Variants in KRT79 observed in about 807,000 individuals in gnomAD.
KRT79 encodes keratin, type II cytoskeletal 79.
A neutral mutation model predicts 49.0 loss-of-function variants in KRT79; 51 were observed. The ratio of observed to expected loss-of-function variants is 1.04; its 90% CI spans 0.83 to 1.31. KRT79 has a LOEUF of 1.31. KRT79 is among the 40% of genes most tolerant of loss of function. The probability of loss-of-function intolerance (pLI) is 0.00; values close to 1 mark genes in which losing one functional copy is unlikely to be tolerated. For synonymous variants in KRT79, 312 were observed against 286.6 expected (o/e 1.09, Z -0.90); for missense variants, 728 against 688.0 (o/e 1.06, Z -0.65).
intron 4 of KRT79, among the ~76,000 whole-genome samples, chr12:52,825,043 G>A (rs945480622): frequency 6.6e-6 from 1 of 152,204 alleles, no homozygotes; most frequent in African/African-American, 2.4e-5. Flanking sequence ...TAGGCTTCAG[G>A]ATGCTGTGAA....
Position 52,824,371 on chromosome 12 carries a change from T to C in KRT79, c.856-9A>G. 3 of 1,612,594 alleles carry C rather than the reference T, an allele frequency of 1.9e-6. No homozygotes were observed. The highest frequency in any genetic ancestry group is 1.7e-6 in the Non-Finnish European group (2 of 1,178,974). On this transcript the variant is annotated splice_polypyrimidine_tract_variant and intron_variant, in intron 4 of 8. Coordinates refer to ENST00000330553, the MANE Select transcript of KRT79 (RefSeq NM_175834.3). ...TGCACTTGGCTCAGCTCCTGAAGAA[T>C]CAGAGACAGCTGCCACCAGCACCCC...
At position 52,834,001 on chromosome 12, in the gene KRT79, C is replaced by A; in HGVS notation, c.260G>T (p.Gly87Val). The A allele has an allele frequency of 1.9e-6, 3 of 1,611,622 alleles. No homozygotes were observed. The highest frequency in any genetic ancestry group is 1.7e-6 in the Non-Finnish European group (2 of 1,178,698). Residue 87 changes from glycine (G) to valine (V), a missense_variant, in exon 1 of 9, where the codon GGC (glycine) becomes GTC (valine). Physicochemically the swap from Gly to Val is moderately radical, Grantham distance 109. Transcript: ENST00000330553. ...GGALLGRALG[G>V]FGFGSRAFMG... The stretch of plus-strand genomic sequence containing the variant: ...AAATGCCCTGCTGCCAAAGCCAAAG[C>A]CCCCCAGAGCCCGCCCCAACAAGGC...
intron 4 of KRT79, among the ~76,000 whole-genome samples, chr12:52,826,057 A>G (rs1940170786): frequency 6.6e-6 from 1 of 152,040 alleles, no homozygotes; most frequent in African/African-American, 2.4e-5. Flanking sequence ...TTCCCCACCG[A>G]GATGAACTGT....
intron 4 of KRT79, among the ~76,000 whole-genome samples, chr12:52,826,579 G>A (rs916425574): frequency 2.6e-5 from 4 of 151,880 alleles, no homozygotes; most frequent in Admixed American, 1.3e-4. Flanking sequence ...AGCAGAAAGA[G>A]CTCTGTGAAT....
intron 1 of KRT79, among the ~76,000 whole-genome samples, chr12:52,832,384 C>G (rs1038232071): frequency 6.6e-6 from 1 of 151,994 alleles, no homozygotes; most frequent in Non-Finnish European, 1.5e-5. Flanking sequence ...CCAAAAAAAA[C>G]TTTTTTTAAA....
chr12:52,829,565 A>G (rs1592318335), intron 4 of KRT79, among the ~76,000 whole-genome samples: 1 of 152,328 alleles, frequency 6.6e-6, no homozygotes, highest in East Asian at 1.9e-4. Flanking sequence ...TGCCTGGCCC[A>G]TCAAAAGCAC....
chr12:52,831,697 T>G (rs754600965), intron 1 of KRT79, 71 bp from the exon 2 acceptor site: 30 of 1,266,234 alleles, frequency 2.4e-5, no homozygotes, highest in Non-Finnish European at 3.2e-5. Flanking sequence ...TGGGGTCCAT[T>G]GCCACCTCCC....
intron 7 of KRT79, 121 bp downstream of exon 7, chr12:52,822,895 T>C: frequency 1.1e-6 from 1 of 932,180 alleles, no homozygotes. Context: ...TCCCCCCGCG[T>C]GAGTCAGGAT....
chr12:52,825,619 A>T (rs1448208116), intron 4 of KRT79, among the ~76,000 whole-genome samples: 2 of 152,218 alleles, frequency 1.3e-5, no homozygotes, highest in Admixed American at 1.3e-4. Flanking sequence ...AAAGAGAAAT[A>T]CCAAAGGCAA....
At chr12:52,826,602 T>C (rs1940179549) in intron 4 of KRT79, among the ~76,000 whole-genome samples, 1 of 151,230 alleles carries the variant, frequency 6.6e-6, no homozygotes, top group Admixed American at 6.6e-5. Flanking sequence ...CTAAGGTGTG[T>C]GTCTCCTTAG....
chr12:52,821,932 A>G lies in KRT79; in HGVS notation c.1548T>C (p.Ser516=). 6.2e-7 allele frequency: 1 copy of G among 1,614,152 alleles called. No individual in the cohort carries two copies. The highest frequency in any genetic ancestry group is 8.5e-7 in the Non-Finnish European group (1 of 1,180,018). Residue 516 remains serine, a synonymous_variant, in exon 9 of 9, where the codon TCT becomes TCC. Transcript: ENST00000330553. ...TCTTCCGCAGGATGGAGGTGCCCGC[A>G]GAGACTGGCCCTCCCTTGACGGTGC... The part of the protein sequence containing the change: ...GYSTVKGGPV[S]AGTSILRKTT...
intron 2 of KRT79, chr12:52,830,569 G>A (rs1940239052): frequency 4.6e-6 from 2 of 431,324 alleles, no homozygotes; most frequent in African/African-American, 4.0e-5. Flanking sequence ...CCCTTAGGAG[G>A]CTTTAGAGGG....
chr12:52,834,050 T>C lies in KRT79; in HGVS notation c.211A>G (p.Ile71Val). 1 of 1,613,334 alleles carries C rather than the reference T, an allele frequency of 6.2e-7. No homozygotes were observed. Among genetic ancestry groups the C allele is most frequent in the South Asian group, 1.1e-5 (1 of 91,042 alleles). The change falls in exon 1 of 9, where the codon ATC (isoleucine) becomes GTC (valine). Residue 71 changes from isoleucine (I) to valine (V), a missense_variant. By Grantham distance (29) the Ile-to-Val change is conservative (BLOSUM62 3). Transcript: ENST00000330553. ...SLYNLGGHKS[I>V]SVSVAGGALL... ...GCCCCTCCGGCCACACTGACAGAGATACTCTTGTGGCCCCCCAAGTTATAG... is the reference window on the plus strand; with the variant it reads ...GCCCCTCCGGCCACACTGACAGAGACACTCTTGTGGCCCCCCAAGTTATAG...
At chr12:52,829,394 C>A (rs566386153) in intron 4 of KRT79, among the ~76,000 whole-genome samples, 208 of 152,306 alleles carry the variant, frequency 1.4e-3, no homozygotes, top group African/African-American at 4.8e-3. Context: ...AAGAGTCAGA[C>A]TTCGGAGTTC....
At position 52,823,241 on chromosome 12, in the gene KRT79, C is replaced by T; in HGVS notation, c.1147-5G>A. On this transcript the variant is annotated splice_region_variant and splice_polypyrimidine_tract_variant and intron_variant, in intron 6 of 8. Coordinates refer to ENST00000330553, the MANE Select transcript of KRT79 (RefSeq NM_175834.3). The stretch of plus-strand genomic sequence containing the variant: ...GGCCGTCTGCAGCTGCTGACACTGC[C>T]CAGGGGAGAAAGGTGTTGGAAGCAC... 6.2e-7 allele frequency: 1 copy of T among 1,613,454 alleles called. No homozygotes were observed. The highest frequency in any genetic ancestry group is 8.5e-7 in the Non-Finnish European group (1 of 1,179,514).
At chr12:52,826,031 C>G (rs1024159799) in intron 4 of KRT79, among the ~76,000 whole-genome samples, 19 of 152,012 alleles carry the variant, frequency 1.2e-4, no homozygotes, top group African/African-American at 4.4e-4. Flanking sequence ...TGTGTTGTCA[C>G]AGCTGCTTTG....
In KRT79 at chr12:52,830,252, C is replaced by G; in HGVS notation, c.739G>C (p.Glu247Gln). The change falls in exon 3 of 9, where the codon GAG (glutamate) becomes CAG (glutamine). Residue 247 changes from glutamate to glutamine, a missense_variant. Physicochemically the swap from Glu to Gln is conservative, Grantham distance 29. Transcript: ENST00000330553. Reference protein sequence around the residue: ...EINKHTAAENEFVVLKKDVDA... With the variant: ...EINKHTAAENQFVVLKKDVDA... Reference sequence around the variant, plus strand: ...CTCACCTTCTTGAGCACCACAAACTCGTTCTCTGCAGCAGTGTGCTTGTTG... The same window carrying G: ...CTCACCTTCTTGAGCACCACAAACTGGTTCTCTGCAGCAGTGTGCTTGTTG... 1.2e-6 allele frequency: 2 copies of G among 1,614,216 alleles called. No individual in the cohort carries two copies. Among genetic ancestry groups the G allele is most frequent in the Non-Finnish European group, 1.7e-6 (2 of 1,180,044 alleles).
intron 2 of KRT79, among the ~76,000 whole-genome samples, chr12:52,830,700 C>T (rs1401473096): frequency 6.6e-6 from 1 of 152,134 alleles, no homozygotes; most frequent in Non-Finnish European, 1.5e-5. Context: ...TTAGAAATTG[C>T]CATGGTCAAT....
chr12:52,821,458 C>T lies in KRT79; in HGVS notation c.*414G>A, dbSNP rs1057190427. 1 of 213,080 alleles carries T rather than the reference C, an allele frequency of 4.7e-6. No individual in the cohort carries two copies. Among genetic ancestry groups the T allele is most frequent in the South Asian group, 9.5e-5 (1 of 10,506 alleles). The allele number at this position is 213,080 out of a possible 1,614,324, so 13.2% of individuals were successfully genotyped here. ...CACAGACAGCTAGCTGCAGTTGCACCATTTATTGAGACACAGACAGGGAAG... is the reference window on the plus strand; with the variant it reads ...CACAGACAGCTAGCTGCAGTTGCACTATTTATTGAGACACAGACAGGGAAG... On this transcript the variant is annotated 3_prime_UTR_variant, in exon 9 of 9. Coordinates refer to ENST00000330553, the MANE Select transcript of KRT79 (RefSeq NM_175834.3).
Sources: gnomAD v4.1 joint callset for allele counts (sites outside exome capture counted in the v4.1 genomes callset) on GRCh38, gnomAD v4.1.1 for gene constraint, MANE v1.5 for transcripts, NCBI Gene and HGNC (gene_info 2026-07-23, HGNC 2026-07-21) for gene names.